SND1: variants seen among roughly 807,000 people sequenced by gnomAD.
SND1 encodes the protein staphylococcal nuclease and tudor domain containing 1, also known as staphylococcal nuclease domain-containing protein 1.
In SND1, 38 loss-of-function variants were observed where a neutral mutation model predicts 121.7. The ratio of observed to expected loss-of-function variants is 0.31; its 90% CI spans 0.24 to 0.41. SND1 has a LOEUF of 0.41. Among genes scored for constraint, SND1 ranks in the 10% least tolerant of loss-of-function variants. SND1 has a pLI of 1.00. For synonymous variants in SND1, 401 were observed against 447.4 expected (o/e 0.90, Z 1.31); for missense variants, 868 against 1,184.6 (o/e 0.73, Z 3.92).
At chr7:127,826,878 C>T (rs1321414187) in intron 11 of SND1, among the ~76,000 whole-genome samples, 1 of 152,156 alleles carries the variant, frequency 6.6e-6, no homozygotes, top group Non-Finnish European at 1.5e-5. Context: ...TGTCAGTCTT[C>T]TTGTGGACCA....
intron 12 of SND1, among the ~76,000 whole-genome samples, chr7:127,880,734 T>A (rs1384633605): frequency 6.6e-6 from 1 of 151,932 alleles, no homozygotes; most frequent in Non-Finnish European, 1.5e-5. Context: ...TGTGTGTGTG[T>A]GTGTATAATG....
At chr7:127,890,032 C>T (rs1470190470) in intron 13 of SND1, among the ~76,000 whole-genome samples, 8 of 151,976 alleles carry the variant, frequency 5.3e-5, no homozygotes, top group South Asian at 4.2e-4. Flanking sequence ...CTTTTTTAGG[C>T]GGTATATACC....
Position 127,908,357 on chromosome 7 carries a change from T to TGTGC in SND1, c.1527+3546_1527+3549dup, listed in dbSNP as rs1333044169. Among the ~76,000 whole-genome samples, 549 of 142,326 alleles carry TGTGC rather than the reference T, an allele frequency of 3.9e-3. 5 individuals carry two copies. Among genetic ancestry groups the TGTGC allele is most frequent in the African/African-American group, 0.014 (520 of 36,994 alleles). 93.4% of individuals were successfully genotyped at this position (142,326 alleles called of 152,430 possible). ...GTGTGTGTGTGTGTGTGTGTGTGTGTGTGCGTGCGTGTTGACCCATCTGCG... is the reference window on the plus strand; with the variant it reads ...GTGTGTGTGTGTGTGTGTGTGTGTGTGTGCGTGCGTGCGTGTTGACCCATCTGCG... On this transcript the variant is annotated intron_variant, in intron 14 of 23. Transcript: ENST00000354725.
In SND1 at chr7:127,990,940, G is replaced by A. The variant is rs774800152; in HGVS notation, c.1670-7G>A. On this transcript the variant is annotated splice_polypyrimidine_tract_variant and splice_region_variant and intron_variant, in intron 15 of 23. Transcript: ENST00000354725. The stretch of plus-strand genomic sequence containing the variant: ...TCATCACAGATTCTACTTTTCTCCT[G>A]ACACAGGCATTGAATGCCCCAGAGG... The A allele has an allele frequency of 2.5e-6, 4 of 1,608,826 alleles. No homozygotes were observed. Among genetic ancestry groups the A allele is most frequent in the South Asian group, 1.1e-5 (1 of 90,540 alleles).
At chr7:127,742,240 A>G (rs185729712) in intron 10 of SND1, among the ~76,000 whole-genome samples, 1 of 152,156 alleles carries the variant, frequency 6.6e-6, no homozygotes, top group African/African-American at 2.4e-5. Flanking sequence ...TGCCACCAAG[A>G]TGTGTCTCTG....
At chr7:127,760,512 A>G (rs1200173043) in intron 10 of SND1, among the ~76,000 whole-genome samples, 1 of 152,234 alleles carries the variant, frequency 6.6e-6, no homozygotes, top group Non-Finnish European at 1.5e-5. Context: ...TTAAGGGCAA[A>G]GTATTTTGTT....
At chr7:128,005,518 T>C (rs995173677) in intron 16 of SND1, among the ~76,000 whole-genome samples, 3 of 152,226 alleles carry the variant, frequency 2.0e-5, no homozygotes, top group Admixed American at 6.5e-5. Flanking sequence ...TTTTCCCTTA[T>C]TGATTCAAGT....
intron 12 of SND1, among the ~76,000 whole-genome samples, chr7:127,845,022 A>AT (rs1799033978): frequency 6.6e-6 from 1 of 152,214 alleles, no homozygotes; most frequent in Non-Finnish European, 1.5e-5. Context: ...CCCAATAGCA[A>AT]TTCTTACTTT....
At chr7:127,906,696 C>G (rs566114179) in intron 14 of SND1, among the ~76,000 whole-genome samples, 3 of 152,210 alleles carry the variant, frequency 2.0e-5, no homozygotes, top group Non-Finnish European at 1.5e-5. Context: ...GATTTGGCAC[C>G]AACAGTGAGG....
At chr7:127,860,652 G>C (rs1214483395) in intron 12 of SND1, among the ~76,000 whole-genome samples, 1 of 152,128 alleles carries the variant, frequency 6.6e-6, no homozygotes, top group Non-Finnish European at 1.5e-5. Flanking sequence ...ATTTTATCTG[G>C]CTAGCGACTG....
At chr7:127,968,003 T>A (rs930381514) in intron 15 of SND1, among the ~76,000 whole-genome samples, 2 of 152,166 alleles carry the variant, frequency 1.3e-5, no homozygotes, top group African/African-American at 2.4e-5. Flanking sequence ...TGCTCTTACC[T>A]CCATTTAACA....
chr7:127,723,803 A>G (rs139198795), intron 10 of SND1, among the ~76,000 whole-genome samples: 12 of 152,380 alleles, frequency 7.9e-5, no homozygotes, highest in African/African-American at 2.2e-4. Context: ...TCATATAACT[A>G]CGTTAAAAAA....
chr7:127,819,113 A>G (rs2116600378), intron 11 of SND1, among the ~76,000 whole-genome samples: 1 of 152,362 alleles, frequency 6.6e-6, no homozygotes. Context: ...AATGTAAGCA[A>G]ACAGTCACAT....
chr7:127,740,640 G>C (rs1441521235), intron 10 of SND1, among the ~76,000 whole-genome samples: 1 of 152,216 alleles, frequency 6.6e-6, no homozygotes, highest in Non-Finnish European at 1.5e-5. Flanking sequence ...CTCTTAATTA[G>C]TGTACATGCC....
intron 15 of SND1, among the ~76,000 whole-genome samples, chr7:127,985,714 ACAACAATCCTCATCTTCCT>A (rs1802372206): frequency 1.3e-5 from 2 of 152,296 alleles, no homozygotes; most frequent in Admixed American, 6.5e-5. Flanking sequence ...CTCATCTTCC[ACAACAATCCTCATCTTCCT>A]GGCCCAGAGT....
intron 12 of SND1, among the ~76,000 whole-genome samples, chr7:127,875,900 G>C (rs1182267791): frequency 6.6e-6 from 1 of 152,130 alleles, no homozygotes; most frequent in African/African-American, 2.4e-5. Context: ...CCTCCAGCCT[G>C]TGTGTGCCTC....
chr7:127,864,253 A>G (rs771216924), intron 12 of SND1, among the ~76,000 whole-genome samples: 1 of 137,782 alleles, frequency 7.3e-6, no homozygotes, highest in Non-Finnish European at 1.5e-5. Flanking sequence ...CTTGAGCCCT[A>G]TCAAAGGCTC....
chr7:127,676,186 G>C (rs1260723088), intron 1 of SND1, among the ~76,000 whole-genome samples: 2 of 152,152 alleles, frequency 1.3e-5, no homozygotes, highest in Non-Finnish European at 2.9e-5. Flanking sequence ...CTGTGCCATA[G>C]TTTTCTCATC....
chr7:128,058,221 C>T (rs1284153469), intron 16 of SND1, among the ~76,000 whole-genome samples: 1 of 152,254 alleles, frequency 6.6e-6, no homozygotes, highest in Non-Finnish European at 1.5e-5. Flanking sequence ...ACTCTGTGAC[C>T]TAGGTACACT....
Sources: gnomAD v4.1 joint callset for allele counts (sites outside exome capture counted in the v4.1 genomes callset) on GRCh38, gnomAD v4.1.1 for gene constraint, MANE v1.5 for transcripts, NCBI Gene and HGNC (gene_info 2026-07-23, HGNC 2026-07-21) for gene names.